The following TBC1D14 variants were observed in gnomAD, a reference collection of about 807,000 sequenced individuals.
The protein encoded by TBC1D14 is TBC1 domain family member 14, also known as TBC1 domain family, member 14.
In TBC1D14, 26 loss-of-function variants were observed where a neutral mutation model predicts 79.0. That is an observed-to-expected ratio of 0.33 (90% CI 0.24 to 0.46). The LOEUF is 0.46. Among genes scored for constraint, TBC1D14 ranks in the 20% least tolerant of loss-of-function variants. TBC1D14 has a pLI of 1.00. For synonymous variants in TBC1D14, 394 were observed against 349.9 expected (o/e 1.13, Z -1.40); for missense variants, 769 against 887.6 (o/e 0.87, Z 1.70).
chr4:6,919,050 G>A (rs1196081135), intron 1 of TBC1D14, among the ~76,000 whole-genome samples: 2 of 152,190 alleles, frequency 1.3e-5, no homozygotes, highest in Non-Finnish European at 2.9e-5. Flanking sequence ...ACGTGTTCAC[G>A]CGTAGGGAGG....
chr4:6,987,508 A>G (rs1717985317), intron 3 of TBC1D14: 2 of 611,804 alleles, frequency 3.3e-6, no homozygotes, highest in Non-Finnish European at 4.8e-6. Flanking sequence ...CATCACGTGT[A>G]TCTGTCCTCA....
At chr4:6,980,679 C>T (rs1262460341) in intron 3 of TBC1D14, among the ~76,000 whole-genome samples, 1 of 150,936 alleles carries the variant, frequency 6.6e-6, no homozygotes, top group Non-Finnish European at 1.5e-5. Flanking sequence ...CCACTACAGA[C>T]TCCACAAAAA....
At chr4:7,020,233 A>G (rs1022210807) in intron 12 of TBC1D14, among the ~76,000 whole-genome samples, 13 of 152,216 alleles carry the variant, frequency 8.5e-5, no homozygotes, top group African/African-American at 2.7e-4. Flanking sequence ...ATATATGTCT[A>G]ATTGCTTTCA....
At chr4:7,021,543 G>A (rs1721836196) in intron 12 of TBC1D14, among the ~76,000 whole-genome samples, 8 of 152,168 alleles carry the variant, frequency 5.3e-5, no homozygotes. Context: ...GTTGCAGTGA[G>A]CCGTGATTGT....
At chr4:6,956,344 T>C (rs1305113825) in intron 2 of TBC1D14, among the ~76,000 whole-genome samples, 1 of 152,224 alleles carries the variant, frequency 6.6e-6, no homozygotes, top group Non-Finnish European at 1.5e-5. Flanking sequence ...TCTGGCTCAC[T>C]GTGGCCACAT....
At chr4:6,918,909 G>A (rs547870308) in intron 1 of TBC1D14, among the ~76,000 whole-genome samples, 2 of 152,178 alleles carry the variant, frequency 1.3e-5, no homozygotes, top group South Asian at 2.1e-4. Flanking sequence ...TTACTTTTGT[G>A]AATTCTCTTA....
intron 2 of TBC1D14, among the ~76,000 whole-genome samples, chr4:6,940,892 G>A (rs566880856): frequency 2.8e-3 from 422 of 152,232 alleles, no homozygotes; most frequent in Middle Eastern, 0.01. Flanking sequence ...GGATCACCGC[G>A]TCCCGGCTTA....
At position 6,944,015 on chromosome 4, in the gene TBC1D14, C is replaced by T. The variant is rs565717211; in HGVS notation, c.722+19904C>T. Among the ~76,000 whole-genome samples the T allele has an allele frequency of 1.9e-4, 24 of 127,794 alleles. No homozygotes were observed. The East Asian group carries it at 4.2e-3, about 22-fold the overall frequency. 83.8% of individuals were successfully genotyped at this position (127,794 alleles called of 152,430 possible). A position where few individuals can be genotyped will look rare whatever the true frequency, so the allele number is the denominator to read the frequency against. On this transcript the variant is annotated intron_variant, in intron 2 of 13. Coordinates refer to ENST00000409757, the MANE Select transcript of TBC1D14 (RefSeq NM_020773.3). ...CACCCATCTGCGGTGTCTGTGAAGCCGGCGCGTTCTGCCGGGGGTTTGGGT... is the reference window on the plus strand; with the variant it reads ...CACCCATCTGCGGTGTCTGTGAAGCTGGCGCGTTCTGCCGGGGGTTTGGGT...
At chr4:7,021,249 T>A (rs1721803318) in intron 12 of TBC1D14, among the ~76,000 whole-genome samples, 1 of 152,248 alleles carries the variant, frequency 6.6e-6, no homozygotes, top group African/African-American at 2.4e-5. Flanking sequence ...ACGCAGCTTT[T>A]GTCTGGGGTC....
chr4:6,970,544 C>T (rs1019868968), intron 3 of TBC1D14, among the ~76,000 whole-genome samples: 25 of 152,264 alleles, frequency 1.6e-4, no homozygotes, highest in Non-Finnish European at 3.1e-4. Flanking sequence ...CTCTTCAGTG[C>T]ATTCTTCATC....
At chr4:6,917,003 G>A (rs1723456289) in intron 1 of TBC1D14, among the ~76,000 whole-genome samples, 1 of 152,242 alleles carries the variant, frequency 6.6e-6, no homozygotes. Context: ...TGACCATCAT[G>A]TGTTGACAGC....
Position 6,936,871 on chromosome 4 carries a change from G to C in TBC1D14, c.722+12760G>C, listed in dbSNP as rs551011473. 2.0e-5 allele frequency among the ~76,000 whole-genome samples: 3 copies of C among 152,028 alleles called. No individual in the cohort carries two copies. In the South Asian group the frequency reaches 6.2e-4, roughly 32 times the overall value. ...TTGGTGAAGTAGGAAGCAGGGTCTC[G>C]AGGATGGGTGTCTTAGTCCGTTTGA... is the stretch of plus-strand genomic sequence containing the variant. On this transcript the variant is annotated intron_variant, in intron 2 of 13. Coordinates refer to ENST00000409757, the MANE Select transcript of TBC1D14 (RefSeq NM_020773.3).
At chr4:6,976,821 C>A (rs1000857840) in intron 3 of TBC1D14, among the ~76,000 whole-genome samples, 2 of 151,976 alleles carry the variant, frequency 1.3e-5, no homozygotes, top group African/African-American at 4.8e-5. Context: ...TAACAATGTG[C>A]TATAACACGA....
At chr4:6,999,947 A>G (rs1262603364) in intron 6 of TBC1D14, among the ~76,000 whole-genome samples, 1 of 152,002 alleles carries the variant, frequency 6.6e-6, no homozygotes, top group Non-Finnish European at 1.5e-5. Flanking sequence ...GGTGGGGGCC[A>G]GTGTGCGGGC....
At chr4:7,001,280 C>T (rs377343775) in intron 7 of TBC1D14, 29 bp downstream of exon 7, 35 of 1,563,902 alleles carry the variant, frequency 2.2e-5, no homozygotes, top group Admixed American at 6.7e-5. Flanking sequence ...CCTGGGGAGT[C>T]CACCTCCAGG....
chr4:6,928,184 G>A (rs886551190), intron 2 of TBC1D14, among the ~76,000 whole-genome samples: 2 of 152,342 alleles, frequency 1.3e-5, no homozygotes, highest in African/African-American at 4.8e-5. Flanking sequence ...CTGCATTGAA[G>A]GATCAGGAGC....
At chr4:6,910,617 C>T (rs956260195) in intron 1 of TBC1D14, 3 of 152,258 alleles carry the variant, frequency 2.0e-5, no homozygotes, top group Non-Finnish European at 2.9e-5. Flanking sequence ...TCCGGGGACT[C>T]CTGGTCTCCC....
intron 2 of TBC1D14, among the ~76,000 whole-genome samples, chr4:6,936,252 G>A (rs143946369): frequency 9.7e-4 from 148 of 152,282 alleles, no homozygotes; most frequent in African/African-American, 3.3e-3. Context: ...TGTATCTGCC[G>A]TGGCCGTATC....
At chr4:6,987,111 T>A in intron 3 of TBC1D14, 2 of 794,516 alleles carry the variant, frequency 2.5e-6, no homozygotes, top group Non-Finnish European at 3.0e-6. Flanking sequence ...TCGCCGCTCA[T>A]CAGCCCCGCC....
Sources: allele counts gnomAD v4.1 joint callset (sites outside exome capture counted in the v4.1 genomes callset), GRCh38; gene constraint gnomAD v4.1.1; transcripts MANE v1.5; gene names NCBI Gene and HGNC (gene_info 2026-07-23, HGNC 2026-07-21).